Variants in PTCHD1 observed in about 807,000 individuals in gnomAD.
PTCHD1 encodes patched domain containing 1.
PTCHD1 carries 3 observed loss-of-function variants against 34.6 expected under a neutral mutation model. The ratio of observed to expected loss-of-function variants is 0.09; its 90% CI spans 0.04 to 0.22. The LOEUF (loss-of-function observed/expected upper bound fraction) is 0.22. Ranked by LOEUF, PTCHD1 falls within the 10% of genes least tolerant of loss-of-function variation. The probability of loss-of-function intolerance (pLI) is 1.00; values close to 1 mark genes in which losing one functional copy is unlikely to be tolerated. For missense variants in PTCHD1, 504 were observed against 685.5 expected (o/e 0.74, Z 2.96); for synonymous variants, 305 against 283.1 (o/e 1.08, Z -0.77).
chrX:23,368,934 A>C (rs990739134), intron 1 of PTCHD1, among the ~76,000 whole-genome samples: 1 of 110,761 alleles, frequency 9.0e-6, no homozygotes, highest in African/African-American at 3.3e-5. Context: ...CGTGGTGGTG[A>C]GCAACTGTAA....
At position 23,402,189 on chromosome X, in the gene PTCHD1, G is replaced by C. The variant is rs1923138530; in HGVS notation, c.*8004G>C. 1 of 111,536 alleles carries C rather than the reference G, an allele frequency of 9.0e-6. No individual in the cohort carries two copies. The highest frequency in any genetic ancestry group is 2.8e-4 in the East Asian group (1 of 3,573). The allele number at this position is 111,536 out of a possible 1,213,427, so 9.2% of individuals were successfully genotyped here. On this transcript the variant is annotated 3_prime_UTR_variant, in exon 3 of 3. Coordinates refer to ENST00000379361, the MANE Select transcript of PTCHD1 (RefSeq NM_173495.3). ...GTGCATTTCATCAACCTCAAGGAAAGGAAGTGCCATGCATGGAGGCCTGGT... is the reference window on the plus strand; with the variant it reads ...GTGCATTTCATCAACCTCAAGGAAACGAAGTGCCATGCATGGAGGCCTGGT...
intron 2 of PTCHD1, among the ~76,000 whole-genome samples, chrX:23,392,057 T>C (rs1310665140): frequency 2.4e-5 from 2 of 82,166 alleles, no homozygotes; most frequent in Non-Finnish European, 4.4e-5. Flanking sequence ...TTTTCTTTCT[T>C]TTTTCTTTCT....
chrX:23,338,316 C>A (rs777337101), intron 1 of PTCHD1, among the ~76,000 whole-genome samples: 4 of 112,396 alleles, frequency 3.6e-5, no homozygotes, highest in South Asian at 7.5e-4. Context: ...CTGATTATAT[C>A]TTTTAACAGA....
intron 1 of PTCHD1, among the ~76,000 whole-genome samples, chrX:23,364,673 C>G (rs1240656005): frequency 8.9e-6 from 1 of 112,099 alleles, no homozygotes; most frequent in African/African-American, 3.2e-5. Context: ...GGGAAGGAAT[C>G]CAGTGAACAC....
At chrX:23,391,211 C>G (rs1922820221) in intron 2 of PTCHD1, among the ~76,000 whole-genome samples, 2 of 111,662 alleles carry the variant, frequency 1.8e-5, no homozygotes, top group Non-Finnish European at 3.8e-5. Flanking sequence ...AAATACTAAA[C>G]CAGGAGGCGA....
chrX:23,388,051 TCCTCAC>T (rs1922728883), intron 2 of PTCHD1, among the ~76,000 whole-genome samples: 1 of 110,885 alleles, frequency 9.0e-6, no homozygotes, highest in East Asian at 2.8e-4. Flanking sequence ...GTTCCTGATA[TCCTCAC>T]TGTGATATAT....
Position 23,393,426 on chromosome X carries a change from C to A in PTCHD1, c.1908C>A (p.Tyr636Ter), listed in dbSNP as rs1251654391. The stretch of plus-strand genomic sequence containing the variant: ...AGGACATCATCTTCTCTAAAAAATA[C>A]AATGATGAGGTCGATGTAGTGGCCT... The part of the protein sequence containing the change: ...FQEDIIFSKK[Y>*]NDEVDVVASR... Residue 636 changes from tyrosine (Y) to a stop codon, truncating the protein, a stop_gained, in exon 3 of 3, where the codon TAC becomes TAA. Coordinates refer to ENST00000379361, the MANE Select transcript of PTCHD1 (RefSeq NM_173495.3). LOFTEE classifies it high-confidence loss of function. The A allele has an allele frequency of 1.7e-6, 2 of 1,210,732 alleles. No individual in the cohort carries two copies. The highest frequency in any genetic ancestry group is 3.5e-5 in the South Asian group (2 of 56,951).
chrX:23,393,271 A>C lies in PTCHD1; in HGVS notation c.1753A>C (p.Ile585Leu). 8.3e-7 allele frequency: 1 copy of C among 1,211,441 alleles called. No homozygotes were observed. Among genetic ancestry groups the C allele is most frequent in the Non-Finnish European group, 1.1e-6 (1 of 895,051 alleles). Residue 585 changes from isoleucine to leucine, a missense_variant, in exon 3 of 3, where the codon ATA becomes CTA. By Grantham distance (5) the Ile-to-Leu change is conservative (BLOSUM62 2). Transcript: ENST00000379361. ...AGAATACACCAAGGGGTTTGTGCGG[A>C]TATCCTGGTTTGAGAGCTATTTAAA... The part of the protein sequence containing the change: ...VLEYTKGFVR[I>L]SWFESYLNYL...
At chrX:23,367,236 G>A (rs1381452529) in intron 1 of PTCHD1, among the ~76,000 whole-genome samples, 1 of 111,986 alleles carries the variant, frequency 8.9e-6, no homozygotes, top group Non-Finnish European at 1.9e-5. Flanking sequence ...TGCTATAATT[G>A]GTGATGAAGT....
chrX:23,362,065 C>G (rs917861161), intron 1 of PTCHD1, among the ~76,000 whole-genome samples: 6 of 112,250 alleles, frequency 5.3e-5, no homozygotes, highest in African/African-American at 1.9e-4. Flanking sequence ...CGACCTTTCT[C>G]TCTGGCTGCC....
At chrX:23,356,587 A>G (rs1921809799) in intron 1 of PTCHD1, among the ~76,000 whole-genome samples, 1 of 111,642 alleles carries the variant, frequency 9.0e-6, no homozygotes, top group African/African-American at 3.3e-5. Flanking sequence ...GTGCCCGGTA[A>G]ATCCCTTCCA....
chrX:23,343,133 A>G (rs1028371012), intron 1 of PTCHD1, among the ~76,000 whole-genome samples: 1 of 112,408 alleles, frequency 8.9e-6, no homozygotes, highest in Admixed American at 9.4e-5. Flanking sequence ...TATTTTGGTC[A>G]AATATAATTT....
chrX:23,369,319 T>C (rs897325239), intron 1 of PTCHD1, among the ~76,000 whole-genome samples: 1 of 111,798 alleles, frequency 8.9e-6, no homozygotes, highest in South Asian at 3.8e-4. Context: ...CCGACTTTGC[T>C]ACCTCATCAC....
rs1196724620 is a variant in PTCHD1, at chrX:23,392,818, A to G, written c.1300A>G (p.Asn434Asp). Reference sequence around the variant, plus strand: ...AGTGTTCACTGGCTACATAGAAAACAATTACCAGCATAGTATCTTCTGTAG... The same window carrying G: ...AGTGTTCACTGGCTACATAGAAAACGATTACCAGCATAGTATCTTCTGTAG... The part of the protein sequence containing the change: ...SLVFTGYIEN[N>D]YQHSIFCRKV... The change falls in exon 3 of 3, where the codon AAT (asparagine) becomes GAT (aspartate). Residue 434 changes from asparagine (N) to aspartate (D), a missense_variant. Asn to Asp is a conservative substitution (Grantham distance 23). Transcript: ENST00000379361. The G allele has an allele frequency of 1.7e-6, 2 of 1,210,748 alleles. No individual in the cohort carries two copies. The highest frequency in any genetic ancestry group is 4.4e-5 in the Admixed American group (2 of 45,855).
intron 1 of PTCHD1, among the ~76,000 whole-genome samples, chrX:23,349,165 C>T (rs900546133): frequency 9.0e-6 from 1 of 110,649 alleles, no homozygotes. Flanking sequence ...GATACACTAA[C>T]AGAGGAGATA....
chrX:23,354,741 T>G (rs960495136), intron 1 of PTCHD1, among the ~76,000 whole-genome samples: 1 of 107,912 alleles, frequency 9.3e-6, no homozygotes, highest in Non-Finnish European at 1.9e-5. Context: ...CCCAGCTGAT[T>G]TTTGTATTTT....
chrX:23,334,397 G>C (rs1178100501), upstream of PTCHD1: 1 of 111,482 alleles, frequency 9.0e-6, no homozygotes, highest in Non-Finnish European at 1.9e-5. Flanking sequence ...CGGGCGCGCA[G>C]AGTCTCCTGG....
At chrX:23,382,198 A>T (rs1226917870) in intron 2 of PTCHD1, among the ~76,000 whole-genome samples, 1 of 111,896 alleles carries the variant, frequency 8.9e-6, no homozygotes, top group Non-Finnish European at 1.9e-5. Flanking sequence ...AGCTCAAAGC[A>T]TGTTAGAATA....
At chrX:23,387,946 C>T (rs913866137) in intron 2 of PTCHD1, among the ~76,000 whole-genome samples, 15 of 111,874 alleles carry the variant, frequency 1.3e-4, no homozygotes, top group African/African-American at 4.9e-4. Context: ...TTGGCAACTC[C>T]TCAGTCCTGC....
Sources: gnomAD v4.1 joint callset for allele counts (sites outside exome capture counted in the v4.1 genomes callset) on GRCh38, gnomAD v4.1.1 for gene constraint, MANE v1.5 for transcripts, NCBI Gene and HGNC (gene_info 2026-07-23, HGNC 2026-07-21) for gene names.